The following NSMCE1 variants were observed in gnomAD, a reference collection of about 807,000 sequenced individuals.
The protein encoded by NSMCE1 is non-structural maintenance of chromosomes element 1 homolog.
Under a neutral mutation model 29.6 loss-of-function variants are expected in NSMCE1, and 18 were observed. That is an observed-to-expected ratio of 0.61 (90% confidence interval 0.42 to 0.90). The LOEUF is 0.90. Among genes scored for constraint, NSMCE1 ranks in the 40% least tolerant of loss-of-function variants. The pLI is 0.00. For missense variants in NSMCE1, 314 were observed against 343.6 expected, an observed-to-expected ratio of 0.91 and a Z score of 0.68; for synonymous variants, 124 against 133.4, an observed-to-expected ratio of 0.93 and a Z score of 0.49.
Position 27,233,737 on chromosome 16 carries a change from C to G in NSMCE1, c.336+451G>C, listed in dbSNP as rs557434979. 2.0e-5 allele frequency among the ~76,000 whole-genome samples: 3 copies of G among 152,382 alleles called. No individual in the cohort carries two copies. The South Asian group carries it at 6.2e-4, about 32-fold the overall frequency. On this transcript the variant is annotated intron_variant, in intron 4 of 7. Transcript: ENST00000361439. Reference sequence around the variant, plus strand: ...CAAATAGCTCTGAAGCCTGGTAGAACAGTACCTGTCAAATGTGCACGTGCA... The same window carrying G: ...CAAATAGCTCTGAAGCCTGGTAGAAGAGTACCTGTCAAATGTGCACGTGCA...
intron 2 of NSMCE1, chr16:27,241,847 C>T (rs765284493): frequency 2.2e-6 from 1 of 455,334 alleles, no homozygotes; most frequent in South Asian, 1.6e-5. Context: ...CAGAAAGGAT[C>T]GCTGCTTCTC....
intron 1 of NSMCE1, among the ~76,000 whole-genome samples, chr16:27,265,470 G>A (rs1374581342): frequency 6.6e-6 from 1 of 152,008 alleles, no homozygotes; most frequent in African/African-American, 2.4e-5. Context: ...TCCAGGCTGA[G>A]TATAAATTAT....
chr16:27,237,120 G>A (rs558303974), intron 2 of NSMCE1, among the ~76,000 whole-genome samples: 5 of 152,350 alleles, frequency 3.3e-5, no homozygotes, highest in East Asian at 1.9e-4. Flanking sequence ...CATGCTCAGC[G>A]AGGAGCTAAT....
At position 27,234,091 on chromosome 16, in the gene NSMCE1, G is replaced by T. The variant is rs2083791778; in HGVS notation, c.336+97C>A. The T allele has an allele frequency of 1.4e-5, 11 of 802,794 alleles. No individual in the cohort carries two copies. The South Asian group carries it at 1.6e-4, about 11-fold the overall frequency. 49.7% of individuals were successfully genotyped at this position (802,794 alleles called of 1,614,324 possible). The stretch of plus-strand genomic sequence containing the variant: ...AGCAATGGTGGCCCATGTCCCCCCA[G>T]TGATCCTTGAACACTGCAGTTGCCA... On this transcript the variant is annotated intron_variant, in intron 4 of 7. Coordinates refer to ENST00000361439, the MANE Select transcript of NSMCE1 (RefSeq NM_145080.4).
intron 2 of NSMCE1, among the ~76,000 whole-genome samples, chr16:27,237,330 ACTC>A: frequency 6.6e-6 from 1 of 150,536 alleles, no homozygotes; most frequent in South Asian, 2.1e-4. Flanking sequence ...CTTTCTGAAA[ACTC>A]CTCTCCCTCC....
At chr16:27,241,462 G>C (rs1263258240) in intron 2 of NSMCE1, 1 of 169,164 alleles carries the variant, frequency 5.9e-6, no homozygotes, top group Non-Finnish European at 1.3e-5. Context: ...GAGTGGAGCT[G>C]GCCCAAGAGA....
intron 1 of NSMCE1, among the ~76,000 whole-genome samples, chr16:27,260,309 G>C (rs1006072646): frequency 6.6e-6 from 1 of 152,128 alleles, no homozygotes; most frequent in Admixed American, 6.5e-5. Flanking sequence ...GTAGAAGCTG[G>C]ACATGAATAA....
At chr16:27,227,795 T>A (rs1427213187) in intron 5 of NSMCE1, among the ~76,000 whole-genome samples, 2 of 142,852 alleles carry the variant, frequency 1.4e-5, no homozygotes, top group African/African-American at 2.5e-5. Flanking sequence ...TTTTTTTTTT[T>A]TTTTTTTGAG....
intron 1 of NSMCE1, among the ~76,000 whole-genome samples, chr16:27,260,641 G>T (rs1040909933): frequency 1.3e-5 from 2 of 151,962 alleles, no homozygotes; most frequent in African/African-American, 2.4e-5. Flanking sequence ...GCTGGGCACA[G>T]TGAGCCCAGG....
intron 2 of NSMCE1, among the ~76,000 whole-genome samples, chr16:27,252,353 AC>A (rs2084043566): frequency 6.6e-6 from 1 of 152,074 alleles, no homozygotes; most frequent in South Asian, 2.1e-4. Context: ...GTGTAAAGAA[AC>A]CTCCATAGAA....
intron 2 of NSMCE1, chr16:27,241,424 G>A: frequency 6.3e-6 from 1 of 158,560 alleles, no homozygotes; most frequent in East Asian, 1.8e-4. Flanking sequence ...ACAGGGCAGG[G>A]CAGGCCCTGG....
intron 5 of NSMCE1, chr16:27,230,481 C>G (rs2083751295): frequency 6.6e-6 from 1 of 152,414 alleles, no homozygotes; most frequent in East Asian, 1.9e-4. Context: ...GCAACCCTTA[C>G]CAGGCCATGT....
At chr16:27,243,466 T>A (rs2083915940) in intron 2 of NSMCE1, among the ~76,000 whole-genome samples, 1 of 152,090 alleles carries the variant, frequency 6.6e-6, no homozygotes, top group East Asian at 1.9e-4. Context: ...CCAGACCACG[T>A]ATAAAAGCAG....
chr16:27,237,616 C>A (rs190088027), intron 2 of NSMCE1, among the ~76,000 whole-genome samples: 1 of 126,218 alleles, frequency 7.9e-6, no homozygotes, highest in East Asian at 2.8e-4. Flanking sequence ...CCCAGTGTGA[C>A]ACTGGGGCAA....
At chr16:27,251,207 T>TATATATATAAAA (rs1555477430) in intron 2 of NSMCE1, among the ~76,000 whole-genome samples, 1 of 70,770 alleles carries the variant, frequency 1.4e-5, no homozygotes, top group Non-Finnish European at 2.9e-5. Context: ...TATATATATA[T>TATATATATAAAA]AAAACTCTGT....
intron 5 of NSMCE1, among the ~76,000 whole-genome samples, chr16:27,227,561 G>C (rs1176451303): frequency 6.6e-6 from 1 of 152,216 alleles, no homozygotes; most frequent in Non-Finnish European, 1.5e-5. Context: ...AGGCAGCACT[G>C]AGGGAGACCC....
At chr16:27,243,618 A>T (rs1212791010) in intron 2 of NSMCE1, among the ~76,000 whole-genome samples, 3 of 152,212 alleles carry the variant, frequency 2.0e-5, no homozygotes, top group Non-Finnish European at 4.4e-5. Context: ...AAAAGGACCA[A>T]GGCAGGATCA....
intron 3 of NSMCE1, among the ~76,000 whole-genome samples, 156 bp from the exon 4 acceptor site, chr16:27,234,421 G>A (rs747040771): frequency 4.6e-5 from 7 of 152,192 alleles, no homozygotes; most frequent in Admixed American, 6.5e-5. Flanking sequence ...GTAACCAGGC[G>A]TATATTACAG....
intron 2 of NSMCE1, among the ~76,000 whole-genome samples, chr16:27,235,673 C>T (rs1461132036): frequency 1.3e-5 from 2 of 152,226 alleles, no homozygotes; most frequent in Non-Finnish European, 1.5e-5. Flanking sequence ...GCACAAACAT[C>T]CTATCCCATC....
Sources: gnomAD v4.1 joint callset for allele counts (sites outside exome capture counted in the v4.1 genomes callset) on GRCh38, gnomAD v4.1.1 for gene constraint, MANE v1.5 for transcripts, NCBI Gene and HGNC (gene_info 2026-07-23, HGNC 2026-07-21) for gene names.